RNF6: variants seen among roughly 807,000 people sequenced by gnomAD.
RNF6 encodes ring finger protein 6, also known as E3 ubiquitin-protein ligase RNF6.
A neutral mutation model predicts 50.1 loss-of-function variants in RNF6; 21 were observed. The ratio of observed to expected loss-of-function variants is 0.42; its 90% CI spans 0.30 to 0.60. RNF6 has a LOEUF of 0.60. RNF6 is among the 20% of genes least tolerant of loss of function. The pLI is 0.20. For synonymous variants in RNF6, 255 were observed against 291.8 expected (o/e 0.87, Z 1.29); for missense variants, 698 against 838.2 (o/e 0.83, Z 2.07).
At chr13:26,159,882 A>T (rs1872115615) in intron 5 of RNF6, among the ~76,000 whole-genome samples, 2 of 152,174 alleles carry the variant, frequency 1.3e-5, no homozygotes, top group Non-Finnish European at 2.9e-5. Context: ...AAAGTTAAGG[A>T]CTCAAAACAC....
chr13:26,181,284 C>T (rs535495294), intron 5 of RNF6, among the ~76,000 whole-genome samples: 3 of 152,280 alleles, frequency 2.0e-5, no homozygotes, highest in African/African-American at 7.2e-5. Context: ...AGGATGTGCA[C>T]TCTAAAGGAA....
chr13:26,168,140 T>C (rs1872534730), intron 5 of RNF6, among the ~76,000 whole-genome samples: 1 of 152,126 alleles, frequency 6.6e-6, no homozygotes, highest in South Asian at 2.1e-4. Context: ...GTACAATCAA[T>C]CCCCATGACA....
upstream of RNF6, among the ~76,000 whole-genome samples, chr13:26,222,810 C>T (rs748692235): frequency 2.0e-5 from 3 of 152,054 alleles, no homozygotes; most frequent in Non-Finnish European, 4.4e-5. Context: ...TTTGTAGAGA[C>T]GGGGGTCTCG....
intron 3 of RNF6, 73 bp downstream of exon 3, chr13:26,219,384 A>G: frequency 8.1e-7 from 1 of 1,235,306 alleles, no homozygotes; most frequent in African/African-American, 1.5e-5. Flanking sequence ...AAAGAATACC[A>G]ATTCTCCTTA....
At chr13:26,220,980 T>A (rs1870427244) in intron 2 of RNF6, among the ~76,000 whole-genome samples, 1 of 152,204 alleles carries the variant, frequency 6.6e-6, no homozygotes, top group African/African-American at 2.4e-5. Flanking sequence ...TTTTATTATG[T>A]CATTTTGAAC....
intron 5 of RNF6, among the ~76,000 whole-genome samples, chr13:26,185,353 T>G (rs1356222748): frequency 6.6e-6 from 1 of 152,244 alleles, no homozygotes; most frequent in Non-Finnish European, 1.5e-5. Context: ...GTGTGCTCTT[T>G]GTAATAATAC....
intron 5 of RNF6, among the ~76,000 whole-genome samples, chr13:26,196,862 T>C (rs1868687829): frequency 6.6e-6 from 1 of 151,870 alleles, no homozygotes; most frequent in Non-Finnish European, 1.5e-5. Flanking sequence ...TGAAAACTGA[T>C]TGTGAAAACA....
chr13:26,190,898 T>C (rs1334542905), intron 5 of RNF6, among the ~76,000 whole-genome samples: 1 of 152,186 alleles, frequency 6.6e-6, no homozygotes, highest in Non-Finnish European at 1.5e-5. Flanking sequence ...TGTGATCTTT[T>C]TGGTCATTTA....
At chr13:26,186,459 C>T (rs957621100) in intron 5 of RNF6, among the ~76,000 whole-genome samples, 2 of 152,246 alleles carry the variant, frequency 1.3e-5, no homozygotes, top group African/African-American at 4.8e-5. Flanking sequence ...GCACGTGGGC[C>T]CCGCAGCCAG....
intron 5 of RNF6, among the ~76,000 whole-genome samples, chr13:26,147,965 T>C (rs1238841055): frequency 6.6e-6 from 1 of 152,178 alleles, no homozygotes. Context: ...TGATATATAG[T>C]GTATTAGTCC....
intron 5 of RNF6, among the ~76,000 whole-genome samples, chr13:26,161,943 T>C (rs1385217122): frequency 1.3e-5 from 2 of 152,234 alleles, no homozygotes; most frequent in East Asian, 3.8e-4. Context: ...CTCCTAGATT[T>C]CTATTACTTT....
chr13:26,160,544 CTT>C (rs398022018), intron 5 of RNF6, among the ~76,000 whole-genome samples: 491 of 24,288 alleles, frequency 0.02, 4 homozygotes, highest in African/African-American at 0.058. Context: ...TCTTCTTCTT[CTT>C]TTTTTTTTTT....
At chr13:26,137,609 T>C (rs985738306) in intron 5 of RNF6, among the ~76,000 whole-genome samples, 1 of 148,804 alleles carries the variant, frequency 6.7e-6, no homozygotes, top group Non-Finnish European at 1.5e-5. Context: ...TATATAAGAA[T>C]ATGTCTCACT....
intron 5 of RNF6, among the ~76,000 whole-genome samples, chr13:26,133,671 G>A (rs1032006316): frequency 1.3e-5 from 2 of 152,038 alleles, no homozygotes; most frequent in African/African-American, 4.8e-5. Flanking sequence ...TTTCTAGCTG[G>A]ATGTTTCTTG....
chr13:26,197,752 G>A (rs1384567201), intron 5 of RNF6, among the ~76,000 whole-genome samples: 1 of 151,858 alleles, frequency 6.6e-6, no homozygotes, highest in African/African-American at 2.4e-5. Flanking sequence ...TAGGCTGGGT[G>A]CAGTGGCTCA....
chr13:26,135,262 T>C (rs1870591262), intron 5 of RNF6, among the ~76,000 whole-genome samples: 2 of 152,230 alleles, frequency 1.3e-5, no homozygotes, highest in South Asian at 2.1e-4. Context: ...AGAGAACTAA[T>C]AGCTTCAAAA....
Position 26,204,589 on chromosome 13 carries a change from T to A in RNF6, n.768+10885A>T, listed in dbSNP as rs117358813. On this transcript the variant is annotated intron_variant and non_coding_transcript_variant, in intron 5 of 5. Coordinates refer to the RNF6 transcript ENST00000468480. ...TGGTCTTTAAAAGCAGGCTTGGCAATTAACTGAGAAATTTTAAGTGCAGGT... is the reference window on the plus strand; with the variant it reads ...TGGTCTTTAAAAGCAGGCTTGGCAAATAACTGAGAAATTTTAAGTGCAGGT... Among the ~76,000 whole-genome samples, 363 of 151,554 alleles carry A rather than the reference T, an allele frequency of 2.4e-3. 9 individuals carry two copies. The East Asian group carries it at 0.061, about 26-fold the overall frequency.
intron 5 of RNF6, among the ~76,000 whole-genome samples, chr13:26,144,265 C>T (rs1871116390): frequency 6.6e-6 from 1 of 151,898 alleles, no homozygotes; most frequent in Non-Finnish European, 1.5e-5. Flanking sequence ...ATAAGGGTGG[C>T]TGGGAAAAAA....
intron 5 of RNF6, among the ~76,000 whole-genome samples, chr13:26,135,829 C>T (rs970153058): frequency 6.6e-6 from 1 of 152,020 alleles, no homozygotes; most frequent in African/African-American, 2.4e-5. Flanking sequence ...TGAGTTTTCA[C>T]TCTATAATTT....
Sources: gnomAD v4.1 joint callset for allele counts (sites outside exome capture counted in the v4.1 genomes callset) on GRCh38, gnomAD v4.1.1 for gene constraint, MANE v1.5 for transcripts, NCBI Gene and HGNC (gene_info 2026-07-23, HGNC 2026-07-21) for gene names.